The following SMARCA4 variants were observed in gnomAD, a reference collection of about 807,000 sequenced individuals.
The protein encoded by SMARCA4 is SWI/SNF-related matrix-associated actin-dependent regulator of chromatin subfamily A member 4.
Under a neutral mutation model 193.9 loss-of-function variants are expected in SMARCA4, and 31 were observed. The ratio of observed to expected loss-of-function variants is 0.16; its 90% CI spans 0.12 to 0.22. SMARCA4 has a LOEUF of 0.22. Ranked by LOEUF, SMARCA4 falls within the 10% of genes least tolerant of loss-of-function variation. The probability of loss-of-function intolerance (pLI) is 1.00; values close to 1 mark genes in which losing one functional copy is unlikely to be tolerated. For synonymous variants in SMARCA4, 942 were observed against 933.1 expected, an observed-to-expected ratio of 1.01 and a Z score of -0.17; for missense variants, 1,148 against 2,296.0, an observed-to-expected ratio of 0.50 and a Z score of 10.22.
chr19:10,976,835 G>T (rs946924627), intron 1 of SMARCA4, among the ~76,000 whole-genome samples: 2 of 145,708 alleles, frequency 1.4e-5, no homozygotes, highest in African/African-American at 2.6e-5. Context: ...CAGGCGGATT[G>T]CCTGAGCTCA....
rs1340595345 is a variant in SMARCA4 at position 11,030,898 on chromosome 19, A to G, written c.3546+5A>G. The G allele has an allele frequency of 6.2e-7, 1 of 1,609,482 alleles. No individual in the cohort carries two copies. The highest frequency in any genetic ancestry group is 1.7e-5 in the Admixed American group (1 of 59,600). On this transcript the variant is annotated splice_donor_5th_base_variant and intron_variant, in intron 25 of 34. Coordinates refer to ENST00000344626, the MANE Select transcript of SMARCA4 (RefSeq NM_003072.5). This position sits in a 1 kb window ranked among gnomAD's most constrained non-coding sequence, Gnocchi z 5.5. Reference sequence around the variant, plus strand: ...AGCGACTGGAATCCTCACCAGGTAAAAGCGGGCCGGGCCCCAGGTCGAGGA... The same window carrying G: ...AGCGACTGGAATCCTCACCAGGTAAGAGCGGGCCGGGCCCCAGGTCGAGGA...
chr19:11,057,846 T>C (rs937099098), intron 30 of SMARCA4, among the ~76,000 whole-genome samples: 1 of 152,112 alleles, frequency 6.6e-6, no homozygotes, highest in African/African-American at 2.4e-5. Context: ...CTCACACCTG[T>C]AATCCCAGCA....
chr19:10,995,040 T>C (rs1208477194), intron 9 of SMARCA4, 39 bp downstream of exon 9: 3 of 1,566,808 alleles, frequency 1.9e-6, no homozygotes, highest in East Asian at 4.7e-5. Flanking sequence ...CTTCTACATG[T>C]GTAGCTGGTA....
intron 9 of SMARCA4, chr19:10,995,628 C>A: frequency 2.5e-6 from 1 of 392,280 alleles, no homozygotes; most frequent in Non-Finnish European, 5.1e-6. Flanking sequence ...CCAGGCAGTG[C>A]GGACAAAGGT....
chr19:10,983,890 G>T (rs1349496117), intron 1 of SMARCA4, among the ~76,000 whole-genome samples: 1 of 152,122 alleles, frequency 6.6e-6, no homozygotes. Context: ...GGCAGTGCTT[G>T]TCTGTGAGCG....
chr19:11,042,432 C>G (rs2075672848), intron 30 of SMARCA4, among the ~76,000 whole-genome samples: 1 of 152,260 alleles, frequency 6.6e-6, no homozygotes, highest in South Asian at 2.1e-4. Flanking sequence ...TGGCCCAGGA[C>G]TCACCCAGTC....
chr19:11,008,458 A>G (rs1193516550), intron 14 of SMARCA4: 3 of 312,300 alleles, frequency 9.6e-6, no homozygotes, highest in Non-Finnish European at 1.9e-5. Context: ...TTTTCACTGA[A>G]CCTTCCCTCT....
At chr19:10,980,550 C>T (rs1285577500) in intron 1 of SMARCA4, among the ~76,000 whole-genome samples, 1 of 151,894 alleles carries the variant, frequency 6.6e-6, no homozygotes, top group Non-Finnish European at 1.5e-5. Flanking sequence ...ATGAGAATCG[C>T]TTGAACCCCG....
At chr19:11,013,855 G>A (rs1056310873) in intron 16 of SMARCA4, among the ~76,000 whole-genome samples, 1 of 152,130 alleles carries the variant, frequency 6.6e-6, no homozygotes, top group Admixed American at 6.6e-5. Context: ...GACACCCTGA[G>A]AGGCTCTCAC....
Position 10,991,328 on chromosome 19 carries a change from G to T in SMARCA4, c.1419+5G>T, listed in dbSNP as rs199814381. The T allele has an allele frequency of 1.3e-6, 2 of 1,584,464 alleles. No individual in the cohort carries two copies. Among genetic ancestry groups the T allele is most frequent in the Non-Finnish European group, 1.7e-6 (2 of 1,166,120 alleles). On this transcript the variant is annotated splice_donor_5th_base_variant and intron_variant, in intron 8 of 34. Coordinates refer to ENST00000344626, the MANE Select transcript of SMARCA4 (RefSeq NM_003072.5). ...AAGCGCCGGCAGAAGCACCAGGTACGCTCCGGTGGCCCCAAGGCCCTGCAG... is the reference window on the plus strand; with the variant it reads ...AAGCGCCGGCAGAAGCACCAGGTACTCTCCGGTGGCCCCAAGGCCCTGCAG...
intron 32 of SMARCA4, among the ~76,000 whole-genome samples, chr19:11,059,427 A>G (rs1470940283): frequency 6.6e-6 from 1 of 152,242 alleles, no homozygotes; most frequent in Non-Finnish European, 1.5e-5. Flanking sequence ...GCTGGCTTCA[A>G]CAAGGGGCAT....
intron 16 of SMARCA4, among the ~76,000 whole-genome samples, chr19:11,014,002 C>T (rs1385805848): frequency 6.6e-6 from 1 of 152,146 alleles, no homozygotes; most frequent in Non-Finnish European, 1.5e-5. Context: ...CCCAGAAAGC[C>T]CCAGGGCCGG....
intron 1 of SMARCA4, among the ~76,000 whole-genome samples, chr19:10,971,624 A>G (rs1243295059): frequency 2.6e-5 from 4 of 151,786 alleles, no homozygotes; most frequent in Non-Finnish European, 4.4e-5. Context: ...CTACAGCCGC[A>G]TGCCAGCTAA....
chr19:11,006,783 T>C (rs899280050), intron 13 of SMARCA4, among the ~76,000 whole-genome samples: 8 of 152,006 alleles, frequency 5.3e-5, no homozygotes, highest in Non-Finnish European at 1.0e-4. Context: ...TACCCTGAGA[T>C]AGCCTTAAAA....
Position 11,013,119 on chromosome 19 carries a change from A to G in SMARCA4, c.2438+7A>G, listed in dbSNP as rs1320749769. 13 of 1,613,578 alleles carry G rather than the reference A, an allele frequency of 8.1e-6. No individual in the cohort carries two copies. The East Asian group carries it at 2.5e-4, about 30-fold the overall frequency. ...TCATCATCGTGCCTCTCTCGTGAGT[A>G]CCCGCTGCCAGCAACATCCCACACG... On this transcript the variant is annotated splice_region_variant and intron_variant, in intron 16 of 34. Transcript: ENST00000344626.
chr19:10,997,324 G>A (rs201615352), intron 11 of SMARCA4, among the ~76,000 whole-genome samples: 3 of 151,350 alleles, frequency 2.0e-5, no homozygotes, highest in South Asian at 2.1e-4. Context: ...TCAGCCTCCC[G>A]AGTAGCTGGG....
intron 1 of SMARCA4, among the ~76,000 whole-genome samples, chr19:10,967,404 G>A (rs1392645644): frequency 6.6e-6 from 1 of 151,812 alleles, no homozygotes; most frequent in Non-Finnish European, 1.5e-5. Context: ...TCCCCCTTCC[G>A]GGTTCACGCC....
At chr19:10,992,043 T>A (rs1162546973) in intron 8 of SMARCA4, among the ~76,000 whole-genome samples, 2 of 152,162 alleles carry the variant, frequency 1.3e-5, no homozygotes, top group Non-Finnish European at 2.9e-5. Context: ...TTCTAGAGAT[T>A]TTCTATAATT....
At position 10,986,548 on chromosome 19, in the gene SMARCA4, G is replaced by A. The variant is rs761515593; in HGVS notation, c.715G>A (p.Gly239Ser). The part of the protein sequence containing the change: ...GPGPGPGPGP[G>S]PGPGPAPPNY... ...CGGCCCTGGCCCTGGCCCTGGCCCC[G>A]GCCCGGGTCCCGGCCCGGCACCTCC... Residue 239 changes from glycine to serine, a missense_variant, in exon 4 of 35, where the codon GGC (glycine) becomes AGC (serine). This residue lies in a region of SMARCA4 where 257 missense variants were observed against 276.5 expected (regional missense o/e 0.93). Transcript: ENST00000344626. This position sits in a 1 kb window ranked among gnomAD's most constrained non-coding sequence, Gnocchi z 6.7. 44 of 1,539,492 alleles carry A rather than the reference G, an allele frequency of 2.9e-5. No homozygotes were observed. The South Asian group carries it at 3.7e-4, about 13-fold the overall frequency.
Sources: allele counts gnomAD v4.1 joint callset (sites outside exome capture counted in the v4.1 genomes callset), GRCh38; gene constraint gnomAD v4.1.1; regional missense constraint gnomAD v4.1.1; non-coding constraint Gnocchi (gnomAD v3.1); transcripts MANE v1.5; gene names NCBI Gene and HGNC (gene_info 2026-07-23, HGNC 2026-07-21).